The following CMAS variants were observed in gnomAD, a reference collection of about 807,000 sequenced individuals.
CMAS encodes N-acylneuraminate cytidylyltransferase.
Under a neutral mutation model 53.4 loss-of-function variants are expected in CMAS, and 21 were observed. The observed-to-expected ratio is 0.39, with a 90% CI of 0.28 to 0.57. CMAS has a LOEUF of 0.57. CMAS is among the 20% of genes least tolerant of loss of function. The pLI, the probability that CMAS is intolerant of heterozygous loss-of-function variation, is 0.56. For missense variants in CMAS, 384 were observed against 534.9 expected (o/e 0.72, Z 2.78); for synonymous variants, 189 against 195.2 (o/e 0.97, Z 0.27).
intron 1 of CMAS, among the ~76,000 whole-genome samples, chr12:22,047,057 C>G (rs1282905410): frequency 1.3e-5 from 2 of 152,150 alleles, no homozygotes; most frequent in African/African-American, 4.8e-5. Context: ...GAATTTCAAG[C>G]TCAGCTTGGA....
intron 1 of CMAS, among the ~76,000 whole-genome samples, chr12:22,051,728 A>G (rs1485442135): frequency 6.6e-6 from 1 of 152,202 alleles, no homozygotes; most frequent in Non-Finnish European, 1.5e-5. Context: ...ATTGCTTAAC[A>G]TAACATACAA....
At chr12:22,047,828 T>C (rs1273660197) in intron 1 of CMAS, among the ~76,000 whole-genome samples, 2 of 152,208 alleles carry the variant, frequency 1.3e-5, no homozygotes, top group Non-Finnish European at 2.9e-5. Context: ...AACTTTGGGA[T>C]ATTTTTACAT....
rs555954010 is a variant in CMAS, at chr12:22,055,381, C to T, written c.404-74C>T. 5.4e-6 allele frequency: 8 copies of T among 1,483,926 alleles called. No individual in the cohort carries two copies. The African/African-American group carries it at 7.1e-5, about 13-fold the overall frequency. The allele number at this position is 1,483,926 out of a possible 1,614,324, so 91.9% of individuals were successfully genotyped here. A position where few individuals can be genotyped will look rare whatever the true frequency, so the allele number is the denominator to read the frequency against. ...TAAGACTTGTTTTAACATTTGAATT[C>T]CAAACCTTAATATTACTTGCTTGCA... On this transcript the variant is annotated intron_variant, in intron 2 of 7. Coordinates refer to ENST00000229329, the MANE Select transcript of CMAS (RefSeq NM_018686.6).
intron 6 of CMAS, 104 bp downstream of exon 6, chr12:22,061,556 A>T: frequency 1.3e-6 from 1 of 744,540 alleles, no homozygotes; most frequent in African/African-American, 1.8e-5. Flanking sequence ...AACTCTTAAA[A>T]TATCTGAAAT....
intron 7 of CMAS, among the ~76,000 whole-genome samples, chr12:22,063,232 G>T (rs929359281): frequency 7.9e-5 from 12 of 152,126 alleles, no homozygotes; most frequent in African/African-American, 2.4e-4. Flanking sequence ...ATTTACAAGG[G>T]TAATATGAGC....
chr12:22,047,367 T>C (rs564316003), intron 1 of CMAS, among the ~76,000 whole-genome samples: 6 of 152,306 alleles, frequency 3.9e-5, no homozygotes, highest in African/African-American at 1.4e-4. Context: ...TTTACACATA[T>C]AGCTTCAACC....
intron 4 of CMAS, among the ~76,000 whole-genome samples, chr12:22,060,332 T>TGAAAAAAAAAA: frequency 3.6e-5 from 1 of 27,682 alleles, no homozygotes; most frequent in Non-Finnish European, 5.4e-5. Flanking sequence ...AGCTTTCTCC[T>TGAAAAAAAAAA]TAAAAAAAAA....
rs536620040 is a variant in CMAS at position 22,047,416 on chromosome 12, TTA to T, written c.260+855_260+856del. Among the ~76,000 whole-genome samples, 8 of 152,262 alleles carry T rather than the reference TTA, an allele frequency of 5.3e-5. No individual in the cohort carries two copies. In the East Asian group the frequency reaches 1.4e-3, roughly 26 times the overall value. Reference sequence around the variant, plus strand: ...ATGTGTTGTTATTGTGGAAATTAATTTATGTTAACCTTTTGATGTTTCGATTT... The same window carrying T: ...ATGTGTTGTTATTGTGGAAATTAATTTGTTAACCTTTTGATGTTTCGATTT... On this transcript the variant is annotated intron_variant, in intron 1 of 7. Transcript: ENST00000229329.
At chr12:22,062,748 C>T (rs899195374) in intron 7 of CMAS, among the ~76,000 whole-genome samples, 19 of 152,042 alleles carry the variant, frequency 1.2e-4, no homozygotes, top group African/African-American at 3.1e-4. Flanking sequence ...TACCTATTAC[C>T]GTAGGGCTCT....
chr12:22,060,252 T>A (rs867956933), intron 4 of CMAS, among the ~76,000 whole-genome samples: 1 of 147,674 alleles, frequency 6.8e-6, no homozygotes, highest in Middle Eastern at 3.3e-3. Flanking sequence ...AAAATAGAAA[T>A]TTTCTTAAAT....
At chr12:22,060,426 G>T (rs1309914795) in intron 4 of CMAS, among the ~76,000 whole-genome samples, 1 of 147,040 alleles carries the variant, frequency 6.8e-6, no homozygotes. Flanking sequence ...GCCTCAAGAG[G>T]ATAGCTTGAG....
At chr12:22,064,017 CT>C (rs1950327026) in intron 7 of CMAS, 1 of 151,536 alleles carries the variant, frequency 6.6e-6, no homozygotes. Flanking sequence ...AAAATCAATA[CT>C]TTTATAAGTA....
rs866746751 is a variant in CMAS, at chr12:22,046,649, G to A, written c.260+86G>A. 29 of 1,367,042 alleles carry A rather than the reference G, an allele frequency of 2.1e-5. No individual in the cohort carries two copies. In the Middle Eastern group the frequency reaches 1.3e-3, roughly 61 times the overall value. 84.7% of individuals were successfully genotyped at this position (1,367,042 alleles called of 1,614,324 possible). On this transcript the variant is annotated intron_variant, in intron 1 of 7. Transcript: ENST00000229329. ...TGCTGGAGGGGCTGGGGCCTCCGGGGCCACCGCTCTTGGAAGGGGGCCATC... is the reference window on the plus strand; with the variant it reads ...TGCTGGAGGGGCTGGGGCCTCCGGGACCACCGCTCTTGGAAGGGGGCCATC...
intron 7 of CMAS, among the ~76,000 whole-genome samples, chr12:22,064,556 G>C (rs1950332186): frequency 6.6e-6 from 1 of 151,856 alleles, no homozygotes; most frequent in African/African-American, 2.4e-5. Flanking sequence ...GGTTATTAGA[G>C]GATATTAAGG....
intron 2 of CMAS, 34 bp from the exon 3 acceptor site, chr12:22,055,421 T>A (rs760532385): frequency 5.1e-5 from 79 of 1,538,970 alleles, no homozygotes; most frequent in African/African-American, 2.3e-4. Flanking sequence ...ACTTTTTTTT[T>A]AAATATCCTT....
intron 7 of CMAS, among the ~76,000 whole-genome samples, chr12:22,063,028 T>C (rs1388051208): frequency 1.3e-5 from 2 of 151,974 alleles, no homozygotes; most frequent in African/African-American, 4.8e-5. Flanking sequence ...CATGATCAAA[T>C]ATAACAATGT....
At chr12:22,050,414 T>C (rs1056490355) in intron 1 of CMAS, among the ~76,000 whole-genome samples, 1 of 152,232 alleles carries the variant, frequency 6.6e-6, no homozygotes, top group African/African-American at 2.4e-5. Context: ...GTATGTAATC[T>C]GTTATTGACA....
chr12:22,056,047 G>C (rs1950266004), intron 3 of CMAS, among the ~76,000 whole-genome samples: 1 of 152,090 alleles, frequency 6.6e-6, no homozygotes, highest in Non-Finnish European at 1.5e-5. Flanking sequence ...GGGTTCCCTA[G>C]GGTTTACTAG....
chr12:22,051,580 C>T (rs1950239771), intron 1 of CMAS, among the ~76,000 whole-genome samples: 1 of 152,156 alleles, frequency 6.6e-6, no homozygotes, highest in African/African-American at 2.4e-5. Context: ...TTCACTTGCT[C>T]ATTTTCTCTT....
Sources: gnomAD v4.1 joint callset for allele counts (sites outside exome capture counted in the v4.1 genomes callset) on GRCh38, gnomAD v4.1.1 for gene constraint, MANE v1.5 for transcripts, NCBI Gene and HGNC (gene_info 2026-07-23, HGNC 2026-07-21) for gene names.